Variants in PCCB observed in about 807,000 individuals in gnomAD.
PCCB encodes the protein propionyl-CoA carboxylase subunit beta.
Under a neutral mutation model 60.7 loss-of-function variants are expected in PCCB, and 43 were observed. That is an observed-to-expected ratio of 0.71 (90% confidence interval 0.55 to 0.91). The LOEUF (loss-of-function observed/expected upper bound fraction) is 0.91, where lower values mean the gene tolerates loss of function less well. Ranked by LOEUF, PCCB falls within the 40% of genes least tolerant of loss-of-function variation. The pLI, the probability that PCCB is intolerant of heterozygous loss-of-function variation, is 0.00. For missense variants in PCCB, 766 were observed against 702.8 expected (o/e 1.09, Z -1.02); for synonymous variants, 276 against 255.9 (o/e 1.08, Z -0.75).
rs557121161 is a variant in PCCB, at chr3:136,266,253, C to T, written c.543+4188C>T. The stretch of plus-strand genomic sequence containing the variant: ...AAGTGATTGCCCTGCCTCTGCCTCC[C>T]GAGCAGCTGGGATTACAGGCATGTG... On this transcript the variant is annotated intron_variant, in intron 5 of 14. Transcript: ENST00000251654. Among the ~76,000 whole-genome samples the T allele has an allele frequency of 2.6e-5, 4 of 152,136 alleles. No homozygotes were observed. In the East Asian group the frequency reaches 5.8e-4, roughly 22 times the overall value.
intron 9 of PCCB, among the ~76,000 whole-genome samples, chr3:136,308,924 T>C (rs899650046): frequency 6.6e-6 from 1 of 152,122 alleles, no homozygotes; most frequent in African/African-American, 2.4e-5. Context: ...TTTAAAACGA[T>C]GAACAGATGA....
At chr3:136,286,985 C>T (rs572844817) in intron 6 of PCCB, among the ~76,000 whole-genome samples, 14 of 151,148 alleles carry the variant, frequency 9.3e-5, no homozygotes, top group South Asian at 4.2e-4. Flanking sequence ...GAACCAAGAT[C>T]GCGCCACTGC....
chr3:136,296,659 A>G (rs1181453636), intron 7 of PCCB, among the ~76,000 whole-genome samples: 3 of 152,220 alleles, frequency 2.0e-5, no homozygotes, highest in Non-Finnish European at 2.9e-5. Context: ...CTTTTAAGGA[A>G]CTGACAGACT....
intron 5 of PCCB, among the ~76,000 whole-genome samples, chr3:136,269,607 C>G (rs540166006): frequency 6.3e-4 from 96 of 151,332 alleles, no homozygotes; most frequent in African/African-American, 2.3e-3. Context: ...CATCCTTGGC[C>G]GGGTGCGGTG....
intron 6 of PCCB, among the ~76,000 whole-genome samples, chr3:136,289,001 C>T (rs1041114769): frequency 8.6e-5 from 13 of 152,028 alleles, no homozygotes; most frequent in South Asian, 4.2e-4. Context: ...AGGGTTTCAC[C>T]ATGTTGGCCA....
chr3:136,258,531 A>G (rs1194245759), intron 3 of PCCB, among the ~76,000 whole-genome samples: 1 of 152,126 alleles, frequency 6.6e-6, no homozygotes, highest in East Asian at 1.9e-4. Flanking sequence ...TTAATATCTT[A>G]GGTGCTTTTT....
chr3:136,256,610 A>G lies in PCCB; in HGVS notation c.359A>G (p.Tyr120Cys). ...GRGRINGRLV[Y>C]VFSQDFTVFG... Reference sequence around the variant, plus strand: ...GGCCGAATCAATGGAAGATTGGTTTATGTCTTCAGTCAGGTATTTCATAAC... The same window carrying G: ...GGCCGAATCAATGGAAGATTGGTTTGTGTCTTCAGTCAGGTATTTCATAAC... Residue 120 changes from tyrosine to cysteine, a missense_variant, in exon 3 of 15, where the codon TAT (tyrosine) becomes TGT (cysteine). Coordinates refer to ENST00000251654, the MANE Select transcript of PCCB (RefSeq NM_000532.5). 2 of 1,609,804 alleles carry G rather than the reference A, an allele frequency of 1.2e-6. No individual in the cohort carries two copies. The highest frequency in any genetic ancestry group is 1.7e-6 in the Non-Finnish European group (2 of 1,176,104).
Position 136,253,952 on chromosome 3 carries a change from T to C in PCCB, c.184-1904T>C, listed in dbSNP as rs149716699. On this transcript the variant is annotated intron_variant, in intron 1 of 14. Transcript: ENST00000251654. ...TGTGAGCTGCAGTGCCTGGTCAGTATAAATATATTTTAAAAATCTGTATAT... is the reference window on the plus strand; with the variant it reads ...TGTGAGCTGCAGTGCCTGGTCAGTACAAATATATTTTAAAAATCTGTATAT... Among the ~76,000 whole-genome samples, 7 of 152,088 alleles carry C rather than the reference T, an allele frequency of 4.6e-5. No individual in the cohort carries two copies. In the East Asian group the frequency reaches 1.4e-3, roughly 29 times the overall value.
At chr3:136,266,774 G>C (rs968909583) in intron 5 of PCCB, among the ~76,000 whole-genome samples, 6 of 152,260 alleles carry the variant, frequency 3.9e-5, no homozygotes, top group Admixed American at 2.6e-4. Context: ...TGAGTTGTAA[G>C]AGTTCTTCAT....
intron 9 of PCCB, among the ~76,000 whole-genome samples, chr3:136,310,014 T>A (rs1227586347): frequency 6.6e-6 from 1 of 152,118 alleles, no homozygotes; most frequent in Non-Finnish European, 1.5e-5. Flanking sequence ...GGAGGATTGT[T>A]TGAGCCCAGG....
At chr3:136,302,160 G>A (rs959097744) in intron 9 of PCCB, among the ~76,000 whole-genome samples, 1 of 151,934 alleles carries the variant, frequency 6.6e-6, no homozygotes, top group Non-Finnish European at 1.5e-5. Flanking sequence ...GTCCTTTTAT[G>A]CCCACCCCGG....
At chr3:136,302,126 G>C (rs1934310969) in intron 9 of PCCB, among the ~76,000 whole-genome samples, 1 of 152,310 alleles carries the variant, frequency 6.6e-6, no homozygotes, top group African/African-American at 2.4e-5. Flanking sequence ...AGCAAGCACA[G>C]ATTCTCAATA....
intron 5 of PCCB, among the ~76,000 whole-genome samples, chr3:136,277,622 C>T (rs1942365407): frequency 2.0e-5 from 3 of 152,138 alleles, no homozygotes; most frequent in Admixed American, 2.0e-4. Flanking sequence ...GGGCGGTTCT[C>T]AGGTCATTAG....
chr3:136,313,595 A>C (rs1308558606), intron 9 of PCCB, among the ~76,000 whole-genome samples: 1 of 152,228 alleles, frequency 6.6e-6, no homozygotes, highest in South Asian at 2.1e-4. Flanking sequence ...ACTAGGGTGG[A>C]AGGGATGGGG....
chr3:136,251,400 C>G, intron 1 of PCCB: 2 of 446,012 alleles, frequency 4.5e-6, no homozygotes, highest in South Asian at 3.1e-5. Context: ...AGAAGTGAAA[C>G]TCTTACAGAT....
At chr3:136,290,159 A>G (rs1250181440) in intron 6 of PCCB, among the ~76,000 whole-genome samples, 5 of 152,032 alleles carry the variant, frequency 3.3e-5, no homozygotes, top group East Asian at 1.9e-4. Context: ...GATCTTTATC[A>G]TTTACCTTTT....
rs764697873 is a variant in PCCB at position 136,329,941 on chromosome 3, G to A, written c.1535G>A (p.Arg512His). ...GACATCATCCAACCTTCTTCCACAC[G>A]TGCCCGAATCTGCTGTGACCTGGAT... ...VDDIIQPSST[R>H]ARICCDLDVL... The change falls in exon 15 of 15, where the codon CGT becomes CAT. Residue 512 changes from arginine (R) to histidine (H), a missense_variant. Transcript: ENST00000251654. The A allele has an allele frequency of 3.1e-5, 50 of 1,613,996 alleles. No individual in the cohort carries two copies. Among genetic ancestry groups the A allele is most frequent in the Non-Finnish European group, 3.5e-5 (41 of 1,180,010 alleles).
intron 1 of PCCB, among the ~76,000 whole-genome samples, chr3:136,253,735 A>G (rs1418194832): frequency 2.0e-5 from 3 of 148,516 alleles, no homozygotes; most frequent in Non-Finnish European, 4.4e-5. Context: ...CAGTGGTGTA[A>G]TCATGGCTTA....
chr3:136,288,405 G>A (rs1421599850), intron 6 of PCCB, among the ~76,000 whole-genome samples: 1 of 151,942 alleles, frequency 6.6e-6, no homozygotes, highest in East Asian at 1.9e-4. Context: ...GAGTGCAGTG[G>A]TGTGATCTCA....
Sources: gnomAD v4.1 joint callset for allele counts (sites outside exome capture counted in the v4.1 genomes callset) on GRCh38, gnomAD v4.1.1 for gene constraint, MANE v1.5 for transcripts, NCBI Gene and HGNC (gene_info 2026-07-23, HGNC 2026-07-21) for gene names.